The following KNDC1 variants were observed in gnomAD, a reference collection of about 807,000 sequenced individuals.
The protein encoded by KNDC1 is kinase non-catalytic C-lobe domain containing 1, also known as kinase non-catalytic C-lobe domain-containing protein 1.
Under a neutral mutation model 172.8 loss-of-function variants are expected in KNDC1, and 106 were observed. That is an observed-to-expected ratio of 0.61 (90% CI 0.52 to 0.72). The LOEUF is 0.72. KNDC1 is among the 30% of genes least tolerant of loss of function. The pLI, the probability that KNDC1 is intolerant of heterozygous loss-of-function variation, is 0.00. For missense variants in KNDC1, 2,325 were observed against 2,394.5 expected (o/e 0.97, Z 0.61); for synonymous variants, 1,083 against 1,062.2 (o/e 1.02, Z -0.38).
At chr10:133,170,592 T>C (rs1407921944) in intron 3 of KNDC1, among the ~76,000 whole-genome samples, 4 of 152,258 alleles carry the variant, frequency 2.6e-5, no homozygotes, top group African/African-American at 2.4e-5. Flanking sequence ...ATGTTTATGA[T>C]GATATAAATT....
chr10:133,217,819 G>C (rs1330507257), intron 26 of KNDC1, among the ~76,000 whole-genome samples: 1 of 149,582 alleles, frequency 6.7e-6, no homozygotes. Context: ...TATCACATCT[G>C]TAATCCCAGC....
At chr10:133,193,042 T>A (rs1184837793) in intron 9 of KNDC1, among the ~76,000 whole-genome samples, 1 of 150,048 alleles carries the variant, frequency 6.7e-6, no homozygotes, top group Non-Finnish European at 1.5e-5. Flanking sequence ...TCCGAAAAAA[T>A]AAAAATAAAA....
chr10:133,167,275 A>G (rs2135945450), intron 1 of KNDC1, 106 bp from the exon 2 acceptor site: 1 of 1,127,838 alleles, frequency 8.9e-7, no homozygotes, highest in Non-Finnish European at 1.2e-6. Context: ...CCACGCGTTG[A>G]AACGCTGCCA....
rs892432097 is a variant in KNDC1 at position 133,198,355 on chromosome 10, G to C, written c.1925G>C (p.Ser642Thr). 5 of 1,587,786 alleles carry C rather than the reference G, an allele frequency of 3.1e-6. No homozygotes were observed. In the African/African-American group the frequency reaches 5.4e-5, roughly 17 times the overall value. ...EPSPGFLPVN[S>T]DTGLVAVPGP... ...TCCCCAGGCTTCCTGCCGGTGAACA[G>C]CGACACCGGGCTTGTGGCTGTGCCA... Residue 642 changes from serine to threonine, a missense_variant, in exon 13 of 30, where the codon AGC (serine) becomes ACC (threonine). Coordinates refer to ENST00000304613, the MANE Select transcript of KNDC1 (RefSeq NM_152643.8).
intron 3 of KNDC1, among the ~76,000 whole-genome samples, chr10:133,177,971 C>T (rs550064511): frequency 4.2e-4 from 58 of 138,762 alleles, no homozygotes; most frequent in East Asian, 8.7e-4. Flanking sequence ...ATGTGTGTAG[C>T]GTGCATGTGT....
At chr10:133,219,490 C>T (rs1054428561) in intron 28 of KNDC1, among the ~76,000 whole-genome samples, 6 of 152,234 alleles carry the variant, frequency 3.9e-5, no homozygotes, top group Non-Finnish European at 8.8e-5. Flanking sequence ...TCAGACGAGT[C>T]CCAGAGCAGC....
Position 133,224,936 on chromosome 10 carries a change from G to C in KNDC1, c.*46G>C, listed in dbSNP as rs547715900. ...GAATTCCAGATCCGAATCCGACTGT[G>C]GGGGGCGGGCTGGGAGGTGGGAGCC... On this transcript the variant is annotated 3_prime_UTR_variant, in exon 30 of 30. Coordinates refer to ENST00000304613, the MANE Select transcript of KNDC1 (RefSeq NM_152643.8). This position sits in a 1 kb window ranked among gnomAD's most constrained non-coding sequence, Gnocchi z 5.4. 5.3e-6 allele frequency: 8 copies of C among 1,496,114 alleles called. No individual in the cohort carries two copies. In the East Asian group the frequency reaches 7.0e-5, roughly 13 times the overall value. The allele number at this position is 1,496,114 out of a possible 1,614,324, so 92.7% of individuals were successfully genotyped here.
At chr10:133,207,411 G>A (rs529946793) in intron 20 of KNDC1, 60 bp downstream of exon 20, 42 of 1,492,400 alleles carry the variant, frequency 2.8e-5, no homozygotes, top group Non-Finnish European at 3.5e-5. Context: ...CTGAGAAGAG[G>A]GGGGGAACGT....
chr10:133,183,050 A>G (rs1462045713), intron 3 of KNDC1, among the ~76,000 whole-genome samples: 2 of 144,176 alleles, frequency 1.4e-5, no homozygotes, highest in African/African-American at 2.6e-5. Flanking sequence ...CGGCGTGGGT[A>G]CAAGTGAGGA....
At chr10:133,184,047 A>T in intron 5 of KNDC1, 58 bp downstream of exon 5, 1 of 994,032 alleles carries the variant, frequency 1.0e-6, no homozygotes, top group Non-Finnish European at 1.5e-6. Flanking sequence ...TGTGCCATGT[A>T]TGCACACGTG....
chr10:133,187,719 C>A (rs1205144868), intron 6 of KNDC1, among the ~76,000 whole-genome samples: 2 of 152,220 alleles, frequency 1.3e-5, no homozygotes, highest in African/African-American at 4.8e-5. Flanking sequence ...AGAGTGGCCT[C>A]CCAGGCTGAA....
Position 133,167,481 on chromosome 10 carries a change from G to A in KNDC1, c.203G>A (p.Ser68Asn), listed in dbSNP as rs1407265232. 1 of 1,606,646 alleles carries A rather than the reference G, an allele frequency of 6.2e-7. No individual in the cohort carries two copies. Among genetic ancestry groups the A allele is most frequent in the Non-Finnish European group, 8.5e-7 (1 of 1,177,470 alleles). Residue 68 changes from serine to asparagine, a missense_variant, in exon 2 of 30, where the codon AGC becomes AAC. Transcript: ENST00000304613. Reference protein sequence around the residue: ...VCLECSLSMRSVAHAAIFQSL... With the variant: ...VCLECSLSMRNVAHAAIFQSL... ...CTGGAGTGCAGCCTGTCCATGCGGA[G>A]CGTGGCCCACGCCGCCATCTTCCAG...
chr10:133,210,745 A>C, intron 21 of KNDC1, 21 bp downstream of exon 21: 89 of 1,567,806 alleles, frequency 5.7e-5, no homozygotes, highest in Non-Finnish European at 7.4e-5. Context: ...CCACAGCTCC[A>C]CGCCCGCCAG....
At chr10:133,210,344 C>T (rs572194296) in intron 20 of KNDC1, among the ~76,000 whole-genome samples, 15 of 112,188 alleles carry the variant, frequency 1.3e-4, no homozygotes, top group African/African-American at 4.2e-4. Context: ...CCAGCCTGGG[C>T]GACAAGAGCG....
Position 133,198,681 on chromosome 10 carries a change from A to C in KNDC1, c.2173A>C (p.Ser725Arg). ...LSLEAHAGSP[S>R]LKTPDGPVPG... ...CCTGGAGGCCCACGCTGGGTCCCCC[A>C]GCCTGAAGACGCCTGACGGGCCGGT... The change falls in exon 14 of 30, where the codon AGC becomes CGC. Residue 725 changes from serine (S) to arginine (R), a missense_variant. Ser to Arg is a moderately radical substitution (Grantham distance 110, BLOSUM62 -1). Coordinates refer to ENST00000304613, the MANE Select transcript of KNDC1 (RefSeq NM_152643.8). The C allele has an allele frequency of 6.3e-7, 1 of 1,589,496 alleles. No homozygotes were observed. The highest frequency in any genetic ancestry group is 8.6e-7 in the Non-Finnish European group (1 of 1,169,032).
chr10:133,164,477 C>T (rs1025657357), intron 1 of KNDC1, among the ~76,000 whole-genome samples: 5 of 152,168 alleles, frequency 3.3e-5, no homozygotes, highest in Non-Finnish European at 7.3e-5. Context: ...CAGACAGGTG[C>T]GCAGGAGGCG....
chr10:133,197,780 ACCAGCC>A lies in KNDC1; in HGVS notation c.1906+15_1906+20del, dbSNP rs765281118. ...AGAGCCCAGCCCAGGTGGGGACCTG[ACCAGCC>A]CCTGCTGCCCCACCAGCTCCTGCAC... On this transcript the variant is annotated intron_variant, in intron 12 of 29. Coordinates refer to ENST00000304613, the MANE Select transcript of KNDC1 (RefSeq NM_152643.8). 1.0e-4 allele frequency: 167 copies of A among 1,594,786 alleles called. No homozygotes were observed. The highest frequency in any genetic ancestry group is 1.4e-4 in the Non-Finnish European group (162 of 1,166,716).
chr10:133,215,454 T>C (rs1489026402), intron 26 of KNDC1, among the ~76,000 whole-genome samples: 1 of 152,148 alleles, frequency 6.6e-6, no homozygotes, highest in African/African-American at 2.4e-5. Flanking sequence ...CTTTCCAACT[T>C]TGGGGATTTG....
At chr10:133,175,544 A>AT (rs2135959334) in intron 3 of KNDC1, among the ~76,000 whole-genome samples, 1 of 147,386 alleles carries the variant, frequency 6.8e-6, no homozygotes, top group East Asian at 2.2e-4. Flanking sequence ...GGTTGGGTGG[A>AT]GGATAGATGA....
Sources: gnomAD v4.1 joint callset for allele counts (sites outside exome capture counted in the v4.1 genomes callset) on GRCh38, gnomAD v4.1.1 for gene constraint, Gnocchi (gnomAD v3.1) non-coding constraint, MANE v1.5 for transcripts, NCBI Gene and HGNC (gene_info 2026-07-23, HGNC 2026-07-21) for gene names.